POU6F2: variants seen among roughly 807,000 people sequenced by gnomAD.
POU6F2 encodes the protein POU class 6 homeobox 2.
Under a neutral mutation model 71.3 loss-of-function variants are expected in POU6F2, and 31 were observed. The ratio of observed to expected loss-of-function variants is 0.43; its 90% CI spans 0.33 to 0.59. The LOEUF is 0.59. Ranked by LOEUF, POU6F2 falls within the 20% of genes least tolerant of loss-of-function variation. POU6F2 has a pLI of 0.04. For missense variants in POU6F2, 783 were observed against 856.8 expected, an observed-to-expected ratio of 0.91 and a Z score of 1.07; for synonymous variants, 347 against 355.7, an observed-to-expected ratio of 0.98 and a Z score of 0.27.
intron 1 of POU6F2, among the ~76,000 whole-genome samples, chr7:39,014,856 G>A (rs992810656): frequency 4.6e-5 from 7 of 151,878 alleles, no homozygotes; most frequent in Non-Finnish European, 1.0e-4. Context: ...AAATGATGGC[G>A]CCTCCTACTT....
intron 7 of POU6F2, among the ~76,000 whole-genome samples, chr7:39,434,949 C>T (rs1788201445): frequency 6.6e-6 from 1 of 152,186 alleles, no homozygotes; most frequent in Admixed American, 6.5e-5. Context: ...CATATCCCTG[C>T]AAAGGACATG....
intron 4 of POU6F2, among the ~76,000 whole-genome samples, chr7:39,298,563 T>C (rs1226000928): frequency 6.6e-6 from 1 of 152,168 alleles, no homozygotes; most frequent in Non-Finnish European, 1.5e-5. Context: ...GGTGGGAATG[T>C]AAATTAGTTC....
At chr7:39,411,977 C>T (rs138176527) in intron 6 of POU6F2, among the ~76,000 whole-genome samples, 63 of 152,282 alleles carry the variant, frequency 4.1e-4, no homozygotes, top group Non-Finnish European at 8.4e-4. Flanking sequence ...AGCAACATGA[C>T]GTTCAGATGG....
chr7:39,072,701 G>T (rs547119759), intron 1 of POU6F2, among the ~76,000 whole-genome samples: 1 of 152,250 alleles, frequency 6.6e-6, no homozygotes, highest in East Asian at 1.9e-4. Flanking sequence ...TGGAAACCTC[G>T]TTTCACTGTG....
chr7:39,236,713 A>G (rs1385704905), intron 4 of POU6F2, among the ~76,000 whole-genome samples: 1 of 152,144 alleles, frequency 6.6e-6, no homozygotes, highest in African/African-American at 2.4e-5. Flanking sequence ...ATCGTTTTAG[A>G]CACTCAAATA....
At chr7:39,147,545 T>C (rs565195526) in intron 2 of POU6F2, among the ~76,000 whole-genome samples, 1 of 152,344 alleles carries the variant, frequency 6.6e-6, no homozygotes. Context: ...AAACATACTT[T>C]GAAAGGGATG....
intron 4 of POU6F2, among the ~76,000 whole-genome samples, chr7:39,247,484 G>A (rs1223613546): frequency 7.3e-6 from 1 of 136,418 alleles, no homozygotes; most frequent in African/African-American, 2.7e-5. Flanking sequence ...AAAGAAGAAA[G>A]AAAGAAAGAG....
chr7:39,100,313 T>C (rs887921616), intron 2 of POU6F2, among the ~76,000 whole-genome samples: 1 of 152,238 alleles, frequency 6.6e-6, no homozygotes, highest in African/African-American at 2.4e-5. Flanking sequence ...GTAGCTTAAA[T>C]TGACATTTGG....
chr7:39,014,020 A>G (rs2128704358), intron 1 of POU6F2, among the ~76,000 whole-genome samples: 1 of 152,258 alleles, frequency 6.6e-6, no homozygotes, highest in South Asian at 2.1e-4. Context: ...AAAAAGAAAA[A>G]CCATAGGCTT....
chr7:39,222,258 A>G (rs1372141894), intron 4 of POU6F2, among the ~76,000 whole-genome samples: 1 of 152,240 alleles, frequency 6.6e-6, no homozygotes, highest in Non-Finnish European at 1.5e-5. Flanking sequence ...CCAGAAAAAA[A>G]ATTAAATGAA....
chr7:38,989,597 A>T (rs947406673), intron 1 of POU6F2, among the ~76,000 whole-genome samples: 5 of 152,046 alleles, frequency 3.3e-5, no homozygotes, highest in Non-Finnish European at 5.9e-5. Context: ...TTTAGGGATA[A>T]ATTATTTGAG....
chr7:39,439,197 T>C (rs1035823422), intron 7 of POU6F2, among the ~76,000 whole-genome samples: 26 of 151,398 alleles, frequency 1.7e-4, no homozygotes, highest in African/African-American at 6.1e-4. Flanking sequence ...TTTTTTTTGC[T>C]TTCCATTTGC....
intron 4 of POU6F2, among the ~76,000 whole-genome samples, chr7:39,268,780 C>T (rs1284252589): frequency 6.6e-6 from 1 of 152,186 alleles, no homozygotes; most frequent in East Asian, 1.9e-4. Context: ...TTACATTTTC[C>T]AGGAATGCAA....
intron 1 of POU6F2, among the ~76,000 whole-genome samples, chr7:38,990,969 C>A (rs1788589125): frequency 6.6e-6 from 1 of 152,080 alleles, no homozygotes; most frequent in Middle Eastern, 3.4e-3. Context: ...TTCACATCTC[C>A]CTTCCTTCAA....
At chr7:38,995,004 AAGAAATCCCTGGAAAGCCATGTATTGC>A (rs1467477973) in intron 1 of POU6F2, among the ~76,000 whole-genome samples, 1 of 152,194 alleles carries the variant, frequency 6.6e-6, no homozygotes, top group Non-Finnish European at 1.5e-5. Context: ...ATTTCCCCAG[AAGAAATCCCTGGAAAGCCATGTATTGC>A]AGAAATCCCT....
chr7:39,079,457 T>G (rs898280875), intron 1 of POU6F2, among the ~76,000 whole-genome samples: 2 of 151,936 alleles, frequency 1.3e-5, no homozygotes, highest in Non-Finnish European at 2.9e-5. Context: ...GATTACAGGC[T>G]TAAGCCACCG....
chr7:39,301,614 T>A (rs1784949902), intron 4 of POU6F2, among the ~76,000 whole-genome samples: 1 of 152,218 alleles, frequency 6.6e-6, no homozygotes, highest in Non-Finnish European at 1.5e-5. Context: ...CTGTCATGAA[T>A]TTTTTGGACC....
intron 4 of POU6F2, among the ~76,000 whole-genome samples, chr7:39,330,788 G>A (rs1785628776): frequency 3.3e-5 from 5 of 152,022 alleles, no homozygotes; most frequent in Admixed American, 3.3e-4. Context: ...ATTATTTCGT[G>A]CATTTATCAT....
chr7:39,230,015 C>T (rs373495460), intron 4 of POU6F2, among the ~76,000 whole-genome samples: 5 of 152,278 alleles, frequency 3.3e-5, no homozygotes, highest in South Asian at 2.1e-4. Context: ...GGCACAGATG[C>T]GATTAAGAGA....
Sources: gnomAD v4.1 joint callset for allele counts (sites outside exome capture counted in the v4.1 genomes callset) on GRCh38, gnomAD v4.1.1 for gene constraint, MANE v1.5 for transcripts, NCBI Gene and HGNC (gene_info 2026-07-23, HGNC 2026-07-21) for gene names.